Variants in STARD8 observed in about 807,000 individuals in gnomAD.
STARD8 encodes stAR-related lipid transfer protein 8.
A neutral mutation model predicts 69.4 loss-of-function variants in STARD8; 25 were observed. The ratio of observed to expected loss-of-function variants is 0.36; its 90% confidence interval spans 0.26 to 0.50. The LOEUF is 0.50. Ranked by LOEUF, STARD8 falls within the 20% of genes least tolerant of loss-of-function variation. The pLI is 0.96. For synonymous variants in STARD8, 389 were observed against 374.6 expected, an observed-to-expected ratio of 1.04 and a Z score of -0.45; for missense variants, 921 against 932.5, an observed-to-expected ratio of 0.99 and a Z score of 0.16.
chrX:68,668,057 T>TTTTCTTTTC (rs1556021448), intron 2 of STARD8, among the ~76,000 whole-genome samples: 6 of 71,584 alleles, frequency 8.4e-5, no homozygotes, highest in Admixed American at 1.7e-4. Flanking sequence ...TCTCTCTTTC[T>TTTTCTTTTC]TTTCTTTCTT....
Position 68,718,306 on chromosome X carries a change from C to A in STARD8, c.1392C>A (p.Val464=). ...CCCAGGCTGAAGTCCAGCCAGCAGTCCTGGCTCCGGCTCAGGCTCCAGCTG... is the reference window on the plus strand; with the variant it reads ...CCCAGGCTGAAGTCCAGCCAGCAGTACTGGCTCCGGCTCAGGCTCCAGCTG... ...AWAQAEVQPA[V]LAPAQAPAEA... The change falls in exon 6 of 15, where the codon GTC becomes GTA. Residue 464 remains valine, a synonymous_variant. Coordinates refer to ENST00000374599, the MANE Select transcript of STARD8 (RefSeq NM_001142503.3). 4 of 1,210,697 alleles carry A rather than the reference C, an allele frequency of 3.3e-6. No individual in the cohort carries two copies. The highest frequency in any genetic ancestry group is 3.4e-6 in the Non-Finnish European group (3 of 895,012).
At chrX:68,674,200 G>A (rs185844100) in intron 2 of STARD8, among the ~76,000 whole-genome samples, 213 of 108,772 alleles carry the variant, frequency 2.0e-3, no homozygotes, top group Middle Eastern at 0.014. Flanking sequence ...AGGCTGAGGC[G>A]GGAGAATCGC....
intron 2 of STARD8, among the ~76,000 whole-genome samples, chrX:68,710,834 C>A (rs1180272179): frequency 8.9e-6 from 1 of 112,301 alleles, no homozygotes; most frequent in South Asian, 3.7e-4. Context: ...TTTCTGGCAC[C>A]TCCCTTTTGT....
chrX:68,682,474 T>C (rs1369086380), intron 2 of STARD8, among the ~76,000 whole-genome samples: 1 of 112,419 alleles, frequency 8.9e-6, no homozygotes, highest in Non-Finnish European at 1.9e-5. Context: ...CTGATGTAAC[T>C]GAGCTGTGGA....
intron 1 of STARD8, among the ~76,000 whole-genome samples, chrX:68,649,935 G>A (rs1033674408): frequency 9.0e-6 from 1 of 111,199 alleles, no homozygotes; most frequent in African/African-American, 3.3e-5. Context: ...ATGATAGAGA[G>A]CTGGATGGAA....
At chrX:68,660,284 A>G (rs1273255120) in intron 1 of STARD8, among the ~76,000 whole-genome samples, 2 of 111,890 alleles carry the variant, frequency 1.8e-5, no homozygotes, top group Non-Finnish European at 3.8e-5. Context: ...ATTGTCAGGC[A>G]CCTACCTCTC....
At chrX:68,691,195 A>G (rs987912411) in intron 2 of STARD8, among the ~76,000 whole-genome samples, 1 of 111,544 alleles carries the variant, frequency 9.0e-6, no homozygotes, top group South Asian at 3.8e-4. Context: ...TGCTTCAAGC[A>G]CTCTACATTC....
At position 68,723,937 on chromosome X, in the gene STARD8, T is replaced by C; in HGVS notation, c.3018-8T>C. On this transcript the variant is annotated splice_region_variant and splice_polypyrimidine_tract_variant and intron_variant, in intron 13 of 14. Transcript: ENST00000374599. ...GGAATCTGAGCCTACGTGTCCCTTC[T>C]CCAATAGGATGTGGCGCTCTGACCT... 8.3e-7 allele frequency: 1 copy of C among 1,211,182 alleles called. No homozygotes were observed. The highest frequency in any genetic ancestry group is 3.0e-5 in the East Asian group (1 of 33,821).
At chrX:68,653,677 C>A (rs1444128879) in intron 1 of STARD8, among the ~76,000 whole-genome samples, 1 of 81,863 alleles carries the variant, frequency 1.2e-5, no homozygotes, top group Non-Finnish European at 2.4e-5. Flanking sequence ...CCCCAACACA[C>A]CACACCACAC....
At chrX:68,706,790 G>A (rs1313678803) in intron 2 of STARD8, among the ~76,000 whole-genome samples, 1 of 113,249 alleles carries the variant, frequency 8.8e-6, no homozygotes, top group Non-Finnish European at 1.9e-5. Flanking sequence ...TAGCTTCTGA[G>A]ATACAAGCCC....
At chrX:68,661,945 C>CT (rs2081736068) in intron 1 of STARD8, among the ~76,000 whole-genome samples, 1 of 72,345 alleles carries the variant, frequency 1.4e-5, no homozygotes, top group Non-Finnish European at 2.5e-5. Flanking sequence ...CTCCCTCCTT[C>CT]CTCTCTCTCT....
intron 2 of STARD8, among the ~76,000 whole-genome samples, chrX:68,674,957 ATT>A (rs770593904): frequency 1.5e-4 from 8 of 53,789 alleles, no homozygotes; most frequent in Non-Finnish European, 1.1e-4. Context: ...TAATTTTTGT[ATT>A]TTTTTTTTTT....
intron 2 of STARD8, among the ~76,000 whole-genome samples, chrX:68,700,717 C>G (rs1466062499): frequency 8.9e-6 from 1 of 111,874 alleles, no homozygotes; most frequent in Non-Finnish European, 1.9e-5. Flanking sequence ...CCCACACCAG[C>G]AGGGCCTTCT....
At chrX:68,689,749 G>C (rs1303296104) in intron 2 of STARD8, among the ~76,000 whole-genome samples, 1 of 111,746 alleles carries the variant, frequency 8.9e-6, no homozygotes, top group Admixed American at 9.4e-5. Context: ...AGGGTGCTCT[G>C]GGGTGAGGCT....
intron 2 of STARD8, among the ~76,000 whole-genome samples, chrX:68,692,739 A>G (rs1373610188): frequency 8.9e-6 from 1 of 112,748 alleles, no homozygotes; most frequent in Non-Finnish European, 1.9e-5. Flanking sequence ...CACACCTGTT[A>G]TCCTAGCTAC....
chrX:68,718,589 C>A lies in STARD8; in HGVS notation c.1675C>A (p.Arg559Ser). The stretch of plus-strand genomic sequence containing the variant: ...CCAGGCATCAATGCCCCGTGAACGG[C>A]GCGATTCAGGTGTTGGGGCCTCACT... ...GLQASMPRER[R>S]DSGVGASLTR... The change falls in exon 6 of 15, where the codon CGC (arginine) becomes AGC (serine). Residue 559 changes from arginine to serine, a missense_variant. By Grantham distance (110) the Arg-to-Ser change is moderately radical. Coordinates refer to ENST00000374599, the MANE Select transcript of STARD8 (RefSeq NM_001142503.3). The A allele has an allele frequency of 8.3e-7, 1 of 1,208,252 alleles. No homozygotes were observed. Among genetic ancestry groups the A allele is most frequent in the South Asian group, 1.8e-5 (1 of 56,063 alleles).
rs1449064527 is a variant in STARD8 at position 68,709,287 on chromosome X, A to T, written c.80-3627A>T. ...AGCCTCTTTGAAGGCTCCTTACCTC[A>T]CTTCCCCCAGCCATTTGGCTGCAAT... On this transcript the variant is annotated intron_variant, in intron 2 of 14. Transcript: ENST00000374599. 4.5e-5 allele frequency among the ~76,000 whole-genome samples: 5 copies of T among 111,317 alleles called. No individual in the cohort carries two copies. The Admixed American group carries it at 4.8e-4, about 11-fold the overall frequency.
chrX:68,668,931 A>G (rs2079711033), intron 2 of STARD8, among the ~76,000 whole-genome samples: 2 of 111,939 alleles, frequency 1.8e-5, no homozygotes, highest in Non-Finnish European at 3.8e-5. Flanking sequence ...AGTAAATTAA[A>G]TATATATCAT....
At chrX:68,711,978 G>A (rs183961321) in intron 2 of STARD8, among the ~76,000 whole-genome samples, 15 of 112,818 alleles carry the variant, frequency 1.3e-4, no homozygotes, top group Non-Finnish European at 2.3e-4. Flanking sequence ...GCAAATAACC[G>A]CCCAGGCAGG....
Sources: allele counts gnomAD v4.1 joint callset (sites outside exome capture counted in the v4.1 genomes callset), GRCh38; gene constraint gnomAD v4.1.1; transcripts MANE v1.5; gene names NCBI Gene and HGNC (gene_info 2026-07-23, HGNC 2026-07-21).